Variants in MIPOL1 observed in about 807,000 individuals in gnomAD.
MIPOL1 encodes the protein mirror-image polydactyly gene 1 protein.
MIPOL1 carries 57 observed loss-of-function variants against 60.9 expected under a neutral mutation model. The observed-to-expected ratio is 0.94, with a 90% CI of 0.76 to 1.17. The LOEUF (loss-of-function observed/expected upper bound fraction) is 1.17. MIPOL1 is among the 50% of genes most tolerant of loss of function. The probability of loss-of-function intolerance (pLI) is 0.00; values close to 1 mark genes in which losing one functional copy is unlikely to be tolerated. For synonymous variants in MIPOL1, 179 were observed against 168.8 expected (o/e 1.06, Z -0.47); for missense variants, 551 against 511.6 (o/e 1.08, Z -0.74).
chr14:37,226,525 G>A (rs1039683538), intron 1 of MIPOL1, among the ~76,000 whole-genome samples: 2 of 152,162 alleles, frequency 1.3e-5, no homozygotes, highest in Non-Finnish European at 2.9e-5. Context: ...TCACTACCAC[G>A]AGAACAGTAT....
At chr14:37,420,293 A>C (rs1161988222) in intron 10 of MIPOL1, among the ~76,000 whole-genome samples, 1 of 152,092 alleles carries the variant, frequency 6.6e-6, no homozygotes, top group Non-Finnish European at 1.5e-5. Flanking sequence ...TGGGAGATTT[A>C]CTTTACATTG....
chr14:37,382,902 T>C (rs1465686666), intron 10 of MIPOL1, among the ~76,000 whole-genome samples: 2 of 151,878 alleles, frequency 1.3e-5, no homozygotes, highest in Non-Finnish European at 2.9e-5. Context: ...TCCTATAATT[T>C]ATTACTTAGT....
At chr14:37,342,374 G>T (rs548382956) in intron 9 of MIPOL1, among the ~76,000 whole-genome samples, 1 of 151,616 alleles carries the variant, frequency 6.6e-6, no homozygotes, top group South Asian at 2.1e-4. Context: ...AAAAAAGCAT[G>T]CTAAGAATTA....
intron 10 of MIPOL1, among the ~76,000 whole-genome samples, chr14:37,384,499 A>G (rs2093012767): frequency 6.6e-6 from 1 of 151,916 alleles, no homozygotes; most frequent in Admixed American, 6.6e-5. Flanking sequence ...AGCTTACAGC[A>G]CAAAGAAACT....
Position 37,420,484 on chromosome 14 carries a change from A to T in MIPOL1, c.937-2371A>T, listed in dbSNP as rs564838379. Among the ~76,000 whole-genome samples, 3 of 152,308 alleles carry T rather than the reference A, an allele frequency of 2.0e-5. No homozygotes were observed. In the South Asian group the frequency reaches 6.2e-4, roughly 32 times the overall value. ...TTTGTTAATTTCCTTGATATTTTTG[A>T]TAAGAGACTTATTTTTGACATATAG... On this transcript the variant is annotated intron_variant, in intron 10 of 12. Transcript: ENST00000684589.
rs116198740 is a variant in MIPOL1 at position 37,508,462 on chromosome 14, C to T, written c.1262+8324C>T. On this transcript the variant is annotated intron_variant, in intron 12 of 12. Coordinates refer to ENST00000684589, the MANE Select transcript of MIPOL1 (RefSeq NM_001388067.1). ...ACTAAATTCAATGGCTCATTTTAAA[C>T]GATATTTTTATTGTACAATGAACAT... 9.6e-3 allele frequency among the ~76,000 whole-genome samples: 1,457 copies of T among 152,094 alleles called. 27 individuals are homozygous for T. The highest frequency in any genetic ancestry group is 0.033 in the African/African-American group (1,376 of 41,516).
intron 9 of MIPOL1, among the ~76,000 whole-genome samples, chr14:37,331,586 T>G (rs961051724): frequency 3.9e-5 from 6 of 152,114 alleles, no homozygotes; most frequent in Non-Finnish European, 8.8e-5. Flanking sequence ...TGTTGGCATA[T>G]AGAAATGCTA....
At chr14:37,238,781 T>C (rs979335449) in intron 1 of MIPOL1, among the ~76,000 whole-genome samples, 6 of 144,664 alleles carry the variant, frequency 4.1e-5, no homozygotes, top group African/African-American at 1.1e-4. Flanking sequence ...GAAACCCCAC[T>C]TCTACAAAAA....
intron 3 of MIPOL1, among the ~76,000 whole-genome samples, chr14:37,256,561 TA>T (rs559850840): frequency 6.6e-6 from 1 of 152,030 alleles, no homozygotes; most frequent in Non-Finnish European, 1.5e-5. Flanking sequence ...AGTTTAAAGT[TA>T]AAAAAAGTAA....
intron 11 of MIPOL1, among the ~76,000 whole-genome samples, chr14:37,469,041 G>A (rs1444246586): frequency 2.6e-5 from 4 of 152,282 alleles, no homozygotes; most frequent in African/African-American, 7.2e-5. Flanking sequence ...TTTTAATCCA[G>A]GGAGTGATAT....
rs568344596 is a variant in MIPOL1 at position 37,298,142 on chromosome 14, T to C, written c.624-9914T>C. 4.3e-4 allele frequency among the ~76,000 whole-genome samples: 65 copies of C among 152,142 alleles called. 1 individual carries two copies. In the East Asian group the frequency reaches 0.012, roughly 28 times the overall value. ...AACAAAATAGAGCCCTCAGAAATAATGCCGCATATCTACAACTATCTGATC... is the reference window on the plus strand; with the variant it reads ...AACAAAATAGAGCCCTCAGAAATAACGCCGCATATCTACAACTATCTGATC... On this transcript the variant is annotated intron_variant, in intron 7 of 12. Coordinates refer to ENST00000684589, the MANE Select transcript of MIPOL1 (RefSeq NM_001388067.1).
At chr14:37,546,809 G>C (rs1444084395) in intron 12 of MIPOL1, 96 bp from the exon 13 acceptor site, 3 of 926,874 alleles carry the variant, frequency 3.2e-6, no homozygotes, top group Non-Finnish European at 5.1e-6. Context: ...AGGACTGCTT[G>C]GTCACAGGCA....
intron 9 of MIPOL1, among the ~76,000 whole-genome samples, chr14:37,319,666 A>G (rs189447548): frequency 1.3e-5 from 2 of 152,260 alleles, no homozygotes; most frequent in East Asian, 3.9e-4. Flanking sequence ...TTTGTAAATG[A>G]GGGTATAACT....
At chr14:37,351,217 G>A (rs1222025678) in intron 9 of MIPOL1, among the ~76,000 whole-genome samples, 6 of 146,316 alleles carry the variant, frequency 4.1e-5, no homozygotes, top group Non-Finnish European at 7.5e-5. Context: ...TTTCATCCAT[G>A]TCCCTACCAA....
At chr14:37,412,558 AAAG>A (rs1434143782) in intron 10 of MIPOL1, among the ~76,000 whole-genome samples, 1 of 152,122 alleles carries the variant, frequency 6.6e-6, no homozygotes, top group African/African-American at 2.4e-5. Context: ...AAAAAACAGA[AAAG>A]AATATATATT....
intron 3 of MIPOL1, among the ~76,000 whole-genome samples, chr14:37,258,577 GTTT>G (rs1975351378): frequency 1.3e-5 from 2 of 152,172 alleles, no homozygotes; most frequent in South Asian, 4.1e-4. Flanking sequence ...TATTTGTAGT[GTTT>G]TTAACATTTG....
chr14:37,293,597 A>G (rs1206182038), intron 7 of MIPOL1, among the ~76,000 whole-genome samples: 2 of 152,114 alleles, frequency 1.3e-5, no homozygotes, highest in African/African-American at 4.8e-5. Context: ...GGAAAATCGG[A>G]TCACTCCCAC....
At chr14:37,456,282 A>G (rs929183259) in intron 11 of MIPOL1, among the ~76,000 whole-genome samples, 2 of 152,104 alleles carry the variant, frequency 1.3e-5, no homozygotes, top group Admixed American at 6.6e-5. Context: ...CAAGTCAGAT[A>G]CATATTCCTC....
chr14:37,438,810 T>C (rs1387540470), intron 11 of MIPOL1, among the ~76,000 whole-genome samples: 1 of 152,326 alleles, frequency 6.6e-6, no homozygotes, highest in East Asian at 1.9e-4. Flanking sequence ...ACCTTTAAGC[T>C]CTAGCATTAT....
Sources: allele counts gnomAD v4.1 joint callset (sites outside exome capture counted in the v4.1 genomes callset), GRCh38; gene constraint gnomAD v4.1.1; transcripts MANE v1.5; gene names NCBI Gene and HGNC (gene_info 2026-07-23, HGNC 2026-07-21).